Variants in ADAM32 observed in about 807,000 individuals in gnomAD.
ADAM32 encodes the protein ADAM metallopeptidase domain 32, also known as disintegrin and metalloproteinase domain-containing protein 32.
ADAM32 carries 89 observed loss-of-function variants against 114.9 expected under a neutral mutation model. The ratio of observed to expected loss-of-function variants is 0.77; its 90% CI spans 0.65 to 0.92. ADAM32 has a LOEUF of 0.92. ADAM32 is among the 40% of genes least tolerant of loss of function. The pLI is 0.00. For missense variants in ADAM32, 870 were observed against 932.8 expected, an observed-to-expected ratio of 0.93 and a Z score of 0.88; for synonymous variants, 285 against 307.5, an observed-to-expected ratio of 0.93 and a Z score of 0.77.
At chr8:39,139,443 A>G (rs575534663) in intron 3 of ADAM32, among the ~76,000 whole-genome samples, 3 of 152,226 alleles carry the variant, frequency 2.0e-5, no homozygotes, top group African/African-American at 7.2e-5. Context: ...TCCTTTCCCC[A>G]TTTCTTGTTT....
intron 11 of ADAM32, among the ~76,000 whole-genome samples, chr8:39,189,828 C>G (rs901924922): frequency 6.6e-6 from 1 of 151,832 alleles, no homozygotes; most frequent in Non-Finnish European, 1.5e-5. Context: ...GATGGAGTCT[C>G]GCTCTGTTGC....
chr8:39,115,991 A>G (rs7001043), intron 1 of ADAM32, among the ~76,000 whole-genome samples: 5,369 of 152,262 alleles, frequency 0.035, 116 homozygotes, highest in Non-Finnish European at 0.047. Context: ...TATTGGATAG[A>G]GAGTCCTTTC....
At chr8:39,123,191 C>CT (rs147080015) in intron 2 of ADAM32, among the ~76,000 whole-genome samples, 5,285 of 152,204 alleles carry the variant, frequency 0.035, 114 homozygotes, top group Non-Finnish European at 0.047. Context: ...ACTTTCATGT[C>CT]TTTGCCATTT....
intron 11 of ADAM32, among the ~76,000 whole-genome samples, chr8:39,203,471 T>C (rs1181567696): frequency 6.6e-6 from 1 of 152,208 alleles, no homozygotes; most frequent in Non-Finnish European, 1.5e-5. Flanking sequence ...TTTTTTTGTT[T>C]TCCATTTGCT....
At chr8:39,235,061 C>T (rs1810030149) in intron 16 of ADAM32, among the ~76,000 whole-genome samples, 1 of 152,054 alleles carries the variant, frequency 6.6e-6, no homozygotes. Flanking sequence ...GGAGGACTGC[C>T]CTCCTGGTAC....
chr8:39,276,067 A>G, intron 22 of ADAM32: 1 of 444,268 alleles, frequency 2.3e-6, no homozygotes, highest in Non-Finnish European at 4.0e-6. Context: ...TCTTTCCTGC[A>G]GTTTAGTTAA....
chr8:39,215,705 C>T (rs1368269930), intron 12 of ADAM32, among the ~76,000 whole-genome samples: 1 of 151,784 alleles, frequency 6.6e-6, no homozygotes, highest in Admixed American at 6.6e-5. Context: ...TTCAAAATTC[C>T]TCTTGTTATT....
chr8:39,254,020 T>C (rs1459529877), intron 17 of ADAM32, among the ~76,000 whole-genome samples: 1 of 151,664 alleles, frequency 6.6e-6, no homozygotes, highest in Non-Finnish European at 1.5e-5. Context: ...GATGTTACTG[T>C]CATAAAATAG....
At chr8:39,153,856 C>G (rs977427697) in intron 6 of ADAM32, among the ~76,000 whole-genome samples, 1 of 152,020 alleles carries the variant, frequency 6.6e-6, no homozygotes, top group African/African-American at 2.4e-5. Flanking sequence ...GTGATAATTA[C>G]TACAATAAAG....
chr8:39,188,894 A>T (rs1464638433), intron 11 of ADAM32, among the ~76,000 whole-genome samples: 3 of 152,172 alleles, frequency 2.0e-5, no homozygotes, highest in African/African-American at 7.2e-5. Context: ...GCATATCCAC[A>T]GTACATCTCA....
At chr8:39,119,334 A>G (rs1840502938) in intron 2 of ADAM32, among the ~76,000 whole-genome samples, 1 of 152,200 alleles carries the variant, frequency 6.6e-6, no homozygotes, top group Non-Finnish European at 1.5e-5. Flanking sequence ...CACATCAGCA[A>G]TTTTTGAGTG....
intron 10 of ADAM32, among the ~76,000 whole-genome samples, chr8:39,175,080 T>C (rs1346310051): frequency 1.3e-5 from 2 of 152,232 alleles, no homozygotes; most frequent in East Asian, 3.8e-4. Flanking sequence ...AAGGAGCTTT[T>C]GGGCTGAGAG....
chr8:39,171,210 G>A (rs1294027524), intron 10 of ADAM32, among the ~76,000 whole-genome samples: 1 of 152,150 alleles, frequency 6.6e-6, no homozygotes, highest in African/African-American at 2.4e-5. Context: ...CTCCCAAGGT[G>A]CTGGGATTAC....
At chr8:39,273,738 T>C (rs561208371) in intron 20 of ADAM32, among the ~76,000 whole-genome samples, 1 of 152,316 alleles carries the variant, frequency 6.6e-6, no homozygotes, top group African/African-American at 2.4e-5. Flanking sequence ...ATCGTTTTTA[T>C]TGGCAATAGG....
At chr8:39,144,145 G>A (rs1363719654) in intron 3 of ADAM32, among the ~76,000 whole-genome samples, 2 of 152,164 alleles carry the variant, frequency 1.3e-5, no homozygotes, top group African/African-American at 4.8e-5. Flanking sequence ...CCCTTGGCTA[G>A]GAAAGGTAAA....
At chr8:39,117,920 A>G (rs749980512) in intron 1 of ADAM32, among the ~76,000 whole-genome samples, 166 bp from the exon 2 acceptor site, 1 of 152,036 alleles carries the variant, frequency 6.6e-6, no homozygotes, top group Non-Finnish European at 1.5e-5. Flanking sequence ...GTTCTTTCAT[A>G]AGTATCTTGT....
At chr8:39,265,397 G>A (rs150235652) in intron 19 of ADAM32, among the ~76,000 whole-genome samples, 9 of 152,264 alleles carry the variant, frequency 5.9e-5, no homozygotes, top group Admixed American at 2.0e-4. Flanking sequence ...GTCATTGCAG[G>A]TGAGATGGTC....
intron 19 of ADAM32, among the ~76,000 whole-genome samples, chr8:39,269,193 C>T (rs1053176135): frequency 1.3e-5 from 2 of 152,194 alleles, no homozygotes; most frequent in African/African-American, 4.8e-5. Flanking sequence ...AATTCTATCA[C>T]CTCAACTCAG....
At chr8:39,205,893 C>T (rs1235475693) in intron 11 of ADAM32, among the ~76,000 whole-genome samples, 1 of 151,996 alleles carries the variant, frequency 6.6e-6, no homozygotes, top group African/African-American at 2.4e-5. Flanking sequence ...TTTGTTTTGG[C>T]TCTGTTACTG....
Sources: gnomAD v4.1 joint callset for allele counts (sites outside exome capture counted in the v4.1 genomes callset) on GRCh38, gnomAD v4.1.1 for gene constraint, MANE v1.5 for transcripts, NCBI Gene and HGNC (gene_info 2026-07-23, HGNC 2026-07-21) for gene names.